MGAT4A: variants seen among roughly 807,000 people sequenced by gnomAD.
MGAT4A encodes the protein alpha-1,3-mannosyl-glycoprotein 4-beta-N-acetylglucosaminyltransferase A.
MGAT4A carries 33 observed loss-of-function variants against 74.1 expected under a neutral mutation model. The ratio of observed to expected loss-of-function variants is 0.45; its 90% CI spans 0.34 to 0.60. The LOEUF is 0.60. MGAT4A is among the 20% of genes least tolerant of loss of function. The pLI is 0.02. For missense variants in MGAT4A, 479 were observed against 628.3 expected (o/e 0.76, Z 2.54); for synonymous variants, 198 against 210.4 (o/e 0.94, Z 0.51).
At chr2:98,669,419 G>C (rs1291900001) in intron 4 of MGAT4A, among the ~76,000 whole-genome samples, 1 of 152,158 alleles carries the variant, frequency 6.6e-6, no homozygotes, top group African/African-American at 2.4e-5. Flanking sequence ...CCATGATTGT[G>C]AGGCCGCCCC....
intron 2 of MGAT4A, among the ~76,000 whole-genome samples, chr2:98,716,026 TGAA>T (rs1702587301): frequency 6.6e-6 from 1 of 152,194 alleles, no homozygotes; most frequent in Non-Finnish European, 1.5e-5. Flanking sequence ...ATGTGCTAAC[TGAA>T]GAATACAGCC....
chr2:98,710,394 T>C (rs1702499173), intron 2 of MGAT4A, among the ~76,000 whole-genome samples: 1 of 152,230 alleles, frequency 6.6e-6, no homozygotes, highest in Middle Eastern at 3.2e-3. Context: ...AAAAAAGTTA[T>C]TCCAAAAAAG....
chr2:98,714,000 T>C (rs1702555505), intron 2 of MGAT4A, among the ~76,000 whole-genome samples: 1 of 152,240 alleles, frequency 6.6e-6, no homozygotes, highest in African/African-American at 2.4e-5. Context: ...GTAAATTTAC[T>C]TTTCATTTGT....
At position 98,663,530 on chromosome 2, in the gene MGAT4A, A is replaced by C. The variant is rs1377013569; in HGVS notation, c.404-351T>G. Reference sequence around the variant, plus strand: ...ACTAATGTCTTATCTCTCGACTTCAAGCATGTGACATGCCGAGAAGAGCAC... The same window carrying C: ...ACTAATGTCTTATCTCTCGACTTCACGCATGTGACATGCCGAGAAGAGCAC... On this transcript the variant is annotated intron_variant, in intron 4 of 15. Coordinates refer to ENST00000393487, the MANE Select transcript of MGAT4A (RefSeq NM_012214.3). The C allele has an allele frequency of 2.4e-6, 3 of 1,226,116 alleles. No homozygotes were observed. The African/African-American group carries it at 4.6e-5, about 19-fold the overall frequency. The allele number at this position is 1,226,116 out of a possible 1,614,324, so 76.0% of individuals were successfully genotyped here.
At chr2:98,705,681 C>T (rs1575277291) in intron 2 of MGAT4A, among the ~76,000 whole-genome samples, 1 of 152,104 alleles carries the variant, frequency 6.6e-6, no homozygotes, top group Admixed American at 6.5e-5. Context: ...CGGTGGCTCA[C>T]GCCTGTAATC....
At position 98,726,263 on chromosome 2, in the gene MGAT4A, A is replaced by G; in HGVS notation, c.70T>C (p.Tyr24His). 3 of 1,614,016 alleles carry G rather than the reference A, an allele frequency of 1.9e-6. No homozygotes were observed. The highest frequency in any genetic ancestry group is 2.5e-6 in the Non-Finnish European group (3 of 1,179,856). Residue 24 changes from tyrosine to histidine, a missense_variant, in exon 2 of 16, where the codon TAT becomes CAT. By Grantham distance (83) the Tyr-to-His change is moderately conservative (BLOSUM62 2). This residue lies in a region of MGAT4A where 205 missense variants were observed against 232.7 expected (regional missense o/e 0.88). Transcript: ENST00000393487. ...FITSFLTLSW[Y>H]TTWQNGKEKL... ...CCTTTCCCATTTTGCCATGTAGTAT[A>G]CCAAGACAAAGTAAGGAAGGAAGTG...
chr2:98,631,872 C>T (rs1364800855), intron 14 of MGAT4A, among the ~76,000 whole-genome samples: 1 of 151,434 alleles, frequency 6.6e-6, no homozygotes, highest in African/African-American at 2.4e-5. Flanking sequence ...GTAATCCCAG[C>T]ACTTTGGGAG....
chr2:98,623,087 G>C lies in MGAT4A; in HGVS notation c.*2479C>G. 1.0e-6 allele frequency: 1 copy of C among 985,506 alleles called. No homozygotes were observed. The highest frequency in any genetic ancestry group is 1.2e-6 in the Non-Finnish European group (1 of 830,006). 61.0% of individuals were successfully genotyped at this position (985,506 alleles called of 1,614,324 possible). On this transcript the variant is annotated 3_prime_UTR_variant, in exon 16 of 16. Transcript: ENST00000393487. ...GGAATAATTGGTCTCACATCCAGAT[G>C]CTGACTGGCCACCTGCCACGTGCCT...
intron 14 of MGAT4A, among the ~76,000 whole-genome samples, chr2:98,626,271 G>A (rs1473884075): frequency 6.6e-6 from 1 of 152,122 alleles, no homozygotes; most frequent in Admixed American, 6.5e-5. Flanking sequence ...TTCACCTTGA[G>A]CAGGGACTCA....
At position 98,640,222 on chromosome 2, in the gene MGAT4A, A is replaced by C. The variant is rs549572357; in HGVS notation, c.1027T>G (p.Cys343Gly). The change falls in exon 11 of 16, where the codon TGT becomes GGT. Residue 343 changes from cysteine to glycine, a missense_variant. This residue lies in a region of MGAT4A where 236 missense variants were observed against 308.2 expected (regional missense o/e 0.77). Coordinates refer to ENST00000393487, the MANE Select transcript of MGAT4A (RefSeq NM_012214.3). ...VCNPEKDAKH[C>G]DRQKANLRIR... ...CGCAGATTTGCTTTCTGTCTATCAC[A>C]ATGTTTCTAAATATTAAAAAAAATC... 1 of 1,606,800 alleles carries C rather than the reference A, an allele frequency of 6.2e-7. No individual in the cohort carries two copies. Among genetic ancestry groups the C allele is most frequent in the African/African-American group, 1.3e-5 (1 of 74,624 alleles).
At chr2:98,647,140 G>A (rs376887322) in intron 8 of MGAT4A, among the ~76,000 whole-genome samples, 10 of 152,122 alleles carry the variant, frequency 6.6e-5, no homozygotes, top group African/African-American at 1.4e-4. Context: ...CTTGGAAACC[G>A]CTAATGAAAT....
In MGAT4A at chr2:98,631,200, C is replaced by T. The variant is rs570831766; in HGVS notation, c.1468+4022G>A. ...TTCTAACCCCCACGCCATCAACCCT[C>T]GGGTCTCCACTGATGGCCAGCTGAT... On this transcript the variant is annotated intron_variant, in intron 14 of 15. Coordinates refer to ENST00000393487, the MANE Select transcript of MGAT4A (RefSeq NM_012214.3). Among the ~76,000 whole-genome samples, 4 of 152,238 alleles carry T rather than the reference C, an allele frequency of 2.6e-5. No homozygotes were observed. In the South Asian group the frequency reaches 6.2e-4, roughly 24 times the overall value.
chr2:98,704,278 C>T (rs1007435003), intron 2 of MGAT4A, among the ~76,000 whole-genome samples: 5 of 152,170 alleles, frequency 3.3e-5, no homozygotes, highest in East Asian at 1.9e-4. Context: ...TGTAAGCAGT[C>T]GCTTACATCT....
At chr2:98,648,133 G>C (rs893546009) in intron 8 of MGAT4A, among the ~76,000 whole-genome samples, 1 of 152,158 alleles carries the variant, frequency 6.6e-6, no homozygotes, top group African/African-American at 2.4e-5. Flanking sequence ...CATAATAAGC[G>C]TATGTGAAGA....
rs770507735 is a variant in MGAT4A, at chr2:98,625,759, A to T, written c.1545T>A (p.Val515=). 8.1e-6 allele frequency: 13 copies of T among 1,611,868 alleles called. No individual in the cohort carries two copies. Among genetic ancestry groups the T allele is most frequent in the Non-Finnish European group, 1.1e-5 (13 of 1,178,386 alleles). Residue 515 remains valine, a synonymous_variant, in exon 15 of 16, where the codon GTT becomes GTA. Coordinates refer to ENST00000393487, the MANE Select transcript of MGAT4A (RefSeq NM_012214.3). ...LNPISAFRLS[V]IQNSAVWAIL... Reference sequence around the variant, plus strand: ...TGGCCCAAACAGCAGAATTCTGAATAACTGAAAGTCGAAAGGCTGAAATGG... The same window carrying T: ...TGGCCCAAACAGCAGAATTCTGAATTACTGAAAGTCGAAAGGCTGAAATGG...
chr2:98,708,536 G>A (rs1279963869), intron 2 of MGAT4A, among the ~76,000 whole-genome samples: 1 of 152,162 alleles, frequency 6.6e-6, no homozygotes, highest in Non-Finnish European at 1.5e-5. Context: ...CACTTCAGCA[G>A]TTACACTTAG....
intron 3 of MGAT4A, among the ~76,000 whole-genome samples, chr2:98,677,988 T>G (rs2104289146): frequency 6.6e-6 from 1 of 150,858 alleles, no homozygotes; most frequent in Admixed American, 6.6e-5. Context: ...CTCAGCACTT[T>G]GGGAGGCTGA....
intron 2 of MGAT4A, among the ~76,000 whole-genome samples, chr2:98,705,988 TA>T (rs1201448214): frequency 2.6e-5 from 3 of 115,356 alleles, no homozygotes; most frequent in Non-Finnish European, 5.6e-5. Flanking sequence ...CAACTAACAA[TA>T]AAATTCCCAT....
intron 2 of MGAT4A, among the ~76,000 whole-genome samples, chr2:98,699,230 G>A (rs575190028): frequency 1.8e-4 from 27 of 152,266 alleles, no homozygotes; most frequent in South Asian, 1.0e-3. Flanking sequence ...CTATTACTGC[G>A]GGCTGGTCAC....
Sources: allele counts gnomAD v4.1 joint callset (sites outside exome capture counted in the v4.1 genomes callset), GRCh38; gene constraint gnomAD v4.1.1; regional missense constraint gnomAD v4.1.1; transcripts MANE v1.5; gene names NCBI Gene and HGNC (gene_info 2026-07-23, HGNC 2026-07-21).